The following ANKS1B variants were observed in gnomAD, a reference collection of about 807,000 sequenced individuals.
ANKS1B encodes ankyrin repeat and sterile alpha motif domain-containing protein 1B.
A neutral mutation model predicts 148.3 loss-of-function variants in ANKS1B; 36 were observed. That is an observed-to-expected ratio of 0.24 (90% confidence interval 0.19 to 0.32). The LOEUF is 0.32. Among genes scored for constraint, ANKS1B ranks in the 10% least tolerant of loss-of-function variants. ANKS1B has a pLI of 1.00. For missense variants in ANKS1B, 1,157 were observed against 1,542.6 expected (o/e 0.75, Z 4.19); for synonymous variants, 542 against 560.8 (o/e 0.97, Z 0.47).
chr12:99,723,465 C>A (rs769196621), intron 8 of ANKS1B, among the ~76,000 whole-genome samples: 17 of 152,164 alleles, frequency 1.1e-4, no homozygotes, highest in Non-Finnish European at 2.5e-4. Context: ...CAACTCCAGG[C>A]AGGGGCTCAG....
intron 10 of ANKS1B, among the ~76,000 whole-genome samples, chr12:99,456,001 AC>A (rs2095842345): frequency 6.6e-6 from 1 of 152,002 alleles, no homozygotes; most frequent in African/African-American, 2.4e-5. Context: ...ACAACCAAGG[AC>A]CCTCAGAGAG....
chr12:99,707,994 A>C (rs981985178), intron 8 of ANKS1B, among the ~76,000 whole-genome samples: 10 of 152,144 alleles, frequency 6.6e-5, no homozygotes, highest in African/African-American at 2.4e-4. Flanking sequence ...ACAAACTGTC[A>C]CTTATCAAAA....
intron 8 of ANKS1B, among the ~76,000 whole-genome samples, chr12:99,749,831 T>C (rs964519805): frequency 7.2e-5 from 11 of 151,852 alleles, no homozygotes; most frequent in Non-Finnish European, 1.6e-4. Context: ...TTCTGGCATA[T>C]GAAAAATATT....
chr12:98,943,902 G>A (rs2099840923), intron 17 of ANKS1B, among the ~76,000 whole-genome samples: 1 of 152,154 alleles, frequency 6.6e-6, no homozygotes, highest in Non-Finnish European at 1.5e-5. Flanking sequence ...GACCTCCTGG[G>A]AGGTGTTGGG....
At chr12:98,882,782 T>C (rs1246687875) in intron 17 of ANKS1B, among the ~76,000 whole-genome samples, 1 of 152,074 alleles carries the variant, frequency 6.6e-6, no homozygotes, top group Non-Finnish European at 1.5e-5. Context: ...CCTTATTATT[T>C]AGGTAAAGAG....
At chr12:99,732,606 A>G (rs932657285) in intron 8 of ANKS1B, among the ~76,000 whole-genome samples, 4 of 152,190 alleles carry the variant, frequency 2.6e-5, no homozygotes, top group African/African-American at 9.6e-5. Flanking sequence ...AAATTGGCCA[A>G]AGGGGCATGA....
At chr12:99,028,717 T>C (rs73386538) in intron 17 of ANKS1B, among the ~76,000 whole-genome samples, 2,357 of 152,296 alleles carry the variant, frequency 0.015, 59 homozygotes, top group African/African-American at 0.054. Flanking sequence ...AAAAGAATAA[T>C]GAGATTTAAG....
chr12:99,380,152 T>C (rs1427621648), intron 12 of ANKS1B, among the ~76,000 whole-genome samples: 1 of 152,196 alleles, frequency 6.6e-6, no homozygotes, highest in Non-Finnish European at 1.5e-5. Context: ...GATCCTCTCA[T>C]GGGAGGATTA....
intron 12 of ANKS1B, among the ~76,000 whole-genome samples, chr12:99,257,338 C>T (rs1199484989): frequency 6.6e-6 from 1 of 152,144 alleles, no homozygotes; most frequent in African/African-American, 2.4e-5. Flanking sequence ...AAATTTTCTG[C>T]CTCTTTGCCC....
chr12:98,846,588 T>C (rs1210457067), intron 17 of ANKS1B, among the ~76,000 whole-genome samples: 1 of 152,228 alleles, frequency 6.6e-6, no homozygotes, highest in Non-Finnish European at 1.5e-5. Flanking sequence ...AACTGATGAT[T>C]CTGGAGGTGG....
chr12:99,829,680 A>G (rs1470473091), intron 1 of ANKS1B, among the ~76,000 whole-genome samples: 3 of 151,854 alleles, frequency 2.0e-5, no homozygotes, highest in Non-Finnish European at 4.4e-5. Flanking sequence ...AAATACAATA[A>G]TTAGCCAAGC....
intron 9 of ANKS1B, among the ~76,000 whole-genome samples, chr12:99,646,467 G>C (rs969885859): frequency 5.9e-5 from 9 of 151,792 alleles, no homozygotes; most frequent in East Asian, 3.9e-4. Flanking sequence ...ACCAGCCTGA[G>C]CAATATGGTG....
chr12:99,259,178 G>T (rs908940844), intron 12 of ANKS1B, among the ~76,000 whole-genome samples: 2 of 152,196 alleles, frequency 1.3e-5, no homozygotes, highest in Non-Finnish European at 2.9e-5. Flanking sequence ...CCATCCACTG[G>T]AGTGTCCTAT....
chr12:99,123,138 G>A (rs2063389105), intron 15 of ANKS1B, among the ~76,000 whole-genome samples: 1 of 151,908 alleles, frequency 6.6e-6, no homozygotes, highest in Non-Finnish European at 1.5e-5. Context: ...GGCAAGAAGG[G>A]AGACAGATGC....
intron 16 of ANKS1B, among the ~76,000 whole-genome samples, chr12:99,063,767 C>T (rs1295199927): frequency 6.6e-6 from 1 of 152,110 alleles, no homozygotes; most frequent in African/African-American, 2.4e-5. Flanking sequence ...CTGAGTATCC[C>T]ATATAATTAT....
At chr12:99,274,812 G>C (rs1312719917) in intron 12 of ANKS1B, among the ~76,000 whole-genome samples, 1 of 152,198 alleles carries the variant, frequency 6.6e-6, no homozygotes, top group Admixed American at 6.5e-5. Context: ...CAGTGGATGG[G>C]ACTGGGGTCA....
intron 15 of ANKS1B, among the ~76,000 whole-genome samples, chr12:99,146,497 T>G (rs890380090): frequency 1.3e-5 from 2 of 152,094 alleles, no homozygotes; most frequent in Non-Finnish European, 2.9e-5. Flanking sequence ...CAGGCTTCCT[T>G]TGCAGCTGTG....
chr12:99,730,387 C>T (rs2059018705), intron 8 of ANKS1B, among the ~76,000 whole-genome samples: 2 of 152,204 alleles, frequency 1.3e-5, no homozygotes, highest in South Asian at 2.1e-4. Flanking sequence ...GACACCCTCA[C>T]TTTAAGAGCT....
chr12:99,039,521 G>A (rs1389654021), intron 17 of ANKS1B, among the ~76,000 whole-genome samples: 1 of 152,168 alleles, frequency 6.6e-6, no homozygotes, highest in Non-Finnish European at 1.5e-5. Context: ...ACAAATACAA[G>A]GGCTGGTAAA....
Sources: gnomAD v4.1 joint callset for allele counts (sites outside exome capture counted in the v4.1 genomes callset) on GRCh38, gnomAD v4.1.1 for gene constraint, MANE v1.5 for transcripts, NCBI Gene and HGNC (gene_info 2026-07-23, HGNC 2026-07-21) for gene names.